PCDH15: variants seen among roughly 807,000 people sequenced by gnomAD.
PCDH15 encodes protocadherin-15.
A neutral mutation model predicts 178.5 loss-of-function variants in PCDH15; 129 were observed. The observed-to-expected ratio is 0.72, with a 90% CI of 0.63 to 0.84. The LOEUF (loss-of-function observed/expected upper bound fraction) is 0.84, where lower values mean the gene tolerates loss of function less well. Ranked by LOEUF, PCDH15 falls within the 40% of genes least tolerant of loss-of-function variation. The probability of loss-of-function intolerance (pLI) is 0.00; values close to 1 mark genes in which losing one functional copy is unlikely to be tolerated. For missense variants in PCDH15, 2,230 were observed against 2,099.9 expected (o/e 1.06, Z -1.21); for synonymous variants, 800 against 732.0 (o/e 1.09, Z -1.50).
intron 3 of PCDH15, among the ~76,000 whole-genome samples, chr10:54,498,853 C>T (rs990849031): frequency 1.3e-4 from 20 of 152,126 alleles, no homozygotes; most frequent in East Asian, 7.8e-4. Flanking sequence ...ACAGGAAGCA[C>T]GGCTGGGAGG....
At chr10:53,939,237 A>C (rs1025963854) in intron 24 of PCDH15, among the ~76,000 whole-genome samples, 7 of 152,108 alleles carry the variant, frequency 4.6e-5, no homozygotes, top group Non-Finnish European at 1.0e-4. Context: ...TACATTTGGG[A>C]AACACTGAAT....
chr10:54,859,131 T>C (rs1387113829), intron 3 of PCDH15, among the ~76,000 whole-genome samples: 1 of 152,114 alleles, frequency 6.6e-6, no homozygotes, highest in African/African-American at 2.4e-5. Flanking sequence ...CCACATTTGC[T>C]TTTTATGGCT....
chr10:55,249,685 T>A (rs1841784062), intron 1 of PCDH15, among the ~76,000 whole-genome samples: 1 of 152,136 alleles, frequency 6.6e-6, no homozygotes, highest in African/African-American at 2.4e-5. Context: ...GTAGTAGTAA[T>A]AATGTGTCTA....
chr10:54,335,742 CTT>C (rs1375191136), intron 6 of PCDH15, among the ~76,000 whole-genome samples: 1 of 152,078 alleles, frequency 6.6e-6, no homozygotes, highest in Non-Finnish European at 1.5e-5. Flanking sequence ...TCACGTATGT[CTT>C]TATCAGAAGT....
intron 2 of PCDH15, among the ~76,000 whole-genome samples, chr10:54,582,076 C>G (rs1336475777): frequency 2.0e-5 from 3 of 151,930 alleles, no homozygotes; most frequent in East Asian, 1.9e-4. Context: ...ACAATTGGGA[C>G]CTATTTAAAT....
At chr10:54,515,250 C>T (rs933935182) in intron 3 of PCDH15, among the ~76,000 whole-genome samples, 1 of 152,156 alleles carries the variant, frequency 6.6e-6, no homozygotes, top group African/African-American at 2.4e-5. Flanking sequence ...ACAGATGGCA[C>T]CTGGAAAATC....
At chr10:54,422,620 T>G (rs1479787269) in intron 3 of PCDH15, among the ~76,000 whole-genome samples, 1 of 152,126 alleles carries the variant, frequency 6.6e-6, no homozygotes, top group Non-Finnish European at 1.5e-5. Flanking sequence ...CCTCTCCAAG[T>G]TTTGACAATT....
chr10:55,571,618 C>T (rs1366947478), intron 2 of PCDH15, among the ~76,000 whole-genome samples: 1 of 152,008 alleles, frequency 6.6e-6, no homozygotes, highest in Non-Finnish European at 1.5e-5. Context: ...AGTAACTAAT[C>T]TTTCAAAATC....
chr10:54,831,889 A>C (rs1953232518), intron 3 of PCDH15, among the ~76,000 whole-genome samples: 1 of 152,134 alleles, frequency 6.6e-6, no homozygotes, highest in Non-Finnish European at 1.5e-5. Flanking sequence ...TTTAAGACAG[A>C]CACGTTAACT....
Position 53,811,597 on chromosome 10 carries a change from A to T in PCDH15, c.4514T>A (p.Ile1505Asn). ...TTGTCCATATTCCTGGCCAGGATCA[A>T]TTCCAGACTCCATGGATAATTCCTA... ...KPEELSMESGIDPGQEYGQDY... is the reference protein window; with the variant it reads ...KPEELSMESGNDPGQEYGQDY... The change falls in exon 36 of 38, where the codon ATT (isoleucine) becomes AAT (asparagine). Residue 1505 changes from isoleucine to asparagine, a missense_variant. Transcript: ENST00000644397. 6.4e-7 allele frequency: 1 copy of T among 1,568,390 alleles called. No homozygotes were observed. The highest frequency in any genetic ancestry group is 8.6e-7 in the Non-Finnish European group (1 of 1,156,982).
In PCDH15 at chr10:54,391,599, A is replaced by AC. The variant is rs1181963915; in HGVS notation, c.158-12658dup. 5.2e-3 allele frequency among the ~76,000 whole-genome samples: 790 copies of AC among 150,842 alleles called. 6 individuals carry two copies. Among genetic ancestry groups the AC allele is most frequent in the Non-Finnish European group, 6.3e-3 (424 of 67,648 alleles). Reference sequence around the variant, plus strand: ...AAAATTTCATCAGGAAAAAAAAAAAACAACATAATCTAATGGGGAAATGTC... The same window carrying AC: ...AAAATTTCATCAGGAAAAAAAAAAAACCAACATAATCTAATGGGGAAATGTC... On this transcript the variant is annotated intron_variant, in intron 3 of 37. Coordinates refer to ENST00000644397, the MANE Select transcript of PCDH15 (RefSeq NM_001384140.1).
chr10:54,379,962 A>T, intron 3 of PCDH15, among the ~76,000 whole-genome samples: 1 of 152,160 alleles, frequency 6.6e-6, no homozygotes, highest in Non-Finnish European at 1.5e-5. Flanking sequence ...GGCTTGAAAA[A>T]TATAACGAAA....
At chr10:55,250,106 C>A (rs1841795007) in intron 1 of PCDH15, among the ~76,000 whole-genome samples, 1 of 151,968 alleles carries the variant, frequency 6.6e-6, no homozygotes, top group Admixed American at 6.6e-5. Flanking sequence ...TCTGCTTAGA[C>A]CAAAATTAAT....
chr10:54,377,024 TTATA>T (rs1261375575), intron 4 of PCDH15, among the ~76,000 whole-genome samples: 18 of 151,996 alleles, frequency 1.2e-4, no homozygotes, highest in African/African-American at 4.3e-4. Context: ...ATAAAAATAA[TTATA>T]TAAATATACA....
intron 1 of PCDH15, among the ~76,000 whole-genome samples, chr10:55,175,984 G>C (rs929788477): frequency 6.6e-6 from 1 of 152,032 alleles, no homozygotes; most frequent in Non-Finnish European, 1.5e-5. Flanking sequence ...ACTGTCCCGG[G>C]AGATGCAGGT....
intron 2 of PCDH15, among the ~76,000 whole-genome samples, chr10:55,122,014 G>A (rs1316677784): frequency 6.6e-6 from 1 of 152,162 alleles, no homozygotes; most frequent in African/African-American, 2.4e-5. Context: ...TCAGTGAAGT[G>A]TAAGGCAAGG....
At chr10:54,908,339 C>T (rs1362765486) in intron 2 of PCDH15, among the ~76,000 whole-genome samples, 1 of 152,168 alleles carries the variant, frequency 6.6e-6, no homozygotes, top group Non-Finnish European at 1.5e-5. Context: ...TGTGGTTGGA[C>T]AAGGCGTACC....
At chr10:54,057,340 A>T (rs933731531) in intron 18 of PCDH15, among the ~76,000 whole-genome samples, 1 of 152,190 alleles carries the variant, frequency 6.6e-6, no homozygotes, top group African/African-American at 2.4e-5. Context: ...CTGCCTGGAC[A>T]TCCAGGCATT....
At chr10:54,762,965 T>G (rs1441320435) in intron 1 of PCDH15, among the ~76,000 whole-genome samples, 3 of 152,204 alleles carry the variant, frequency 2.0e-5, no homozygotes, top group Non-Finnish European at 4.4e-5. Flanking sequence ...TTTTAAAGCA[T>G]AAGTTTGTGT....
Sources: allele counts gnomAD v4.1 joint callset (sites outside exome capture counted in the v4.1 genomes callset), GRCh38; gene constraint gnomAD v4.1.1; transcripts MANE v1.5; gene names NCBI Gene and HGNC (gene_info 2026-07-23, HGNC 2026-07-21).